Variants in QTGAL observed in about 807,000 individuals in gnomAD.
QTGAL encodes BGnT-like protein 1.
chr17:82,983,407 T>G, the QTGAL span, among the ~76,000 whole-genome samples: 2 of 152,188 alleles, frequency 1.3e-5, no homozygotes, highest in Admixed American at 1.3e-4. Flanking sequence ...CAGTTTTTCA[T>G]GCACACTTCG....
the QTGAL span, among the ~76,000 whole-genome samples, chr17:83,030,172 G>A: frequency 5.9e-5 from 9 of 152,318 alleles, no homozygotes; most frequent in South Asian, 1.7e-3. Flanking sequence ...AGAAATCATA[G>A]TGGAAGTTAG....
the QTGAL span, among the ~76,000 whole-genome samples, chr17:83,007,638 G>T: frequency 6.6e-6 from 1 of 152,124 alleles, no homozygotes; most frequent in Non-Finnish European, 1.5e-5. Context: ...GGCATGAGAG[G>T]CGCCTCTCGG....
At chr17:82,950,223 G>A in the QTGAL span, among the ~76,000 whole-genome samples, 1 of 152,218 alleles carries the variant, frequency 6.6e-6, no homozygotes, top group South Asian at 2.1e-4. Flanking sequence ...TGCAGGACAA[G>A]GAGGAACCTC....
At chr17:82,977,766 T>C in the QTGAL span, among the ~76,000 whole-genome samples, 1 of 152,056 alleles carries the variant, frequency 6.6e-6, no homozygotes, top group South Asian at 2.1e-4. Context: ...AGCCGGCTGA[T>C]TCCAGTCTGG....
the QTGAL span, among the ~76,000 whole-genome samples, chr17:82,955,857 A>T: frequency 6.6e-6 from 1 of 152,264 alleles, no homozygotes; most frequent in Non-Finnish European, 1.5e-5. Flanking sequence ...AGGGACATGG[A>T]TGAAGCTGGA....
chr17:82,971,295 G>A, the QTGAL span, among the ~76,000 whole-genome samples: 57 of 152,332 alleles, frequency 3.7e-4, no homozygotes, highest in Admixed American at 5.9e-4. Context: ...GCATAAGGAC[G>A]CGCACAGACA....
At chr17:82,961,343 G>A in the QTGAL span, 16 of 706,456 alleles carry the variant, frequency 2.3e-5, no homozygotes, top group African/African-American at 9.7e-5. Context: ...GTGGGGCGGC[G>A]ACCACAACAG....
chr17:83,050,311 G>A, the QTGAL span, among the ~76,000 whole-genome samples: 19 of 152,112 alleles, frequency 1.2e-4, no homozygotes, highest in African/African-American at 3.9e-4. Flanking sequence ...CAGAGGTTGC[G>A]GTGAGCCGAG....
chr17:83,044,491 G>A, the QTGAL span, among the ~76,000 whole-genome samples: 3 of 152,174 alleles, frequency 2.0e-5, no homozygotes, highest in African/African-American at 4.8e-5. Context: ...CCTCCTTAGC[G>A]TAAGAAATGG....
the QTGAL span, among the ~76,000 whole-genome samples, chr17:83,008,049 G>A: frequency 3.6e-3 from 546 of 152,316 alleles, 4 homozygotes; most frequent in African/African-American, 0.012. Context: ...AAGAGGAGGC[G>A]CAGGGAAGAG....
At chr17:82,969,740 C>T in the QTGAL span, among the ~76,000 whole-genome samples, 465 of 152,242 alleles carry the variant, frequency 3.1e-3, no homozygotes, top group Non-Finnish European at 5.3e-3. Context: ...AATGCAGTGG[C>T]GTGATCACAG....
At chr17:82,952,205 C>A in the QTGAL span, among the ~76,000 whole-genome samples, 5 of 152,134 alleles carry the variant, frequency 3.3e-5, no homozygotes, top group African/African-American at 1.2e-4. Context: ...CAGTGTAGAC[C>A]AACACACGCT....
chr17:83,014,649 G>A, the QTGAL span: 28 of 966,216 alleles, frequency 2.9e-5, no homozygotes, highest in South Asian at 6.2e-5. Context: ...TCAAACTCCC[G>A]GCTTCAACTG....
chr17:83,001,562 C>T, the QTGAL span, among the ~76,000 whole-genome samples: 1 of 115,066 alleles, frequency 8.7e-6, no homozygotes, highest in African/African-American at 3.4e-5. Flanking sequence ...AAAATTCCAG[C>T]AAACGTAAAC....
the QTGAL span, among the ~76,000 whole-genome samples, chr17:83,044,816 C>A: frequency 2.0e-5 from 3 of 152,166 alleles, no homozygotes; most frequent in Non-Finnish European, 2.9e-5. Flanking sequence ...TGTGGTGGCG[C>A]ACGCCTGTAG....
At chr17:82,957,010 C>T in the QTGAL span, among the ~76,000 whole-genome samples, 267 of 152,346 alleles carry the variant, frequency 1.8e-3, no homozygotes, top group African/African-American at 4.6e-3. Context: ...CCTAGACCCA[C>T]GAGGGACAGC....
chr17:83,050,710 C>G, the QTGAL span, among the ~76,000 whole-genome samples: 3 of 152,124 alleles, frequency 2.0e-5, no homozygotes, highest in East Asian at 5.8e-4. Flanking sequence ...CAGCCTCTGC[C>G]GGAGCACGGG....
chr17:82,976,084 C>A, the QTGAL span, among the ~76,000 whole-genome samples: 1 of 38,794 alleles, frequency 2.6e-5, no homozygotes. Context: ...TATGGGGAAA[C>A]AGGGCCCCAG....
the QTGAL span, among the ~76,000 whole-genome samples, chr17:83,022,357 G>A: frequency 0.2 from 5,993 of 29,590 alleles, 241 homozygotes; most frequent in Admixed American, 0.21. Flanking sequence ...GTGAACTCAC[G>A]TTAGCTTAGC....
Sources: allele counts gnomAD v4.1 joint callset (sites outside exome capture counted in the v4.1 genomes callset), GRCh38; gene constraint gnomAD v4.1.1; transcripts MANE v1.5; gene names NCBI Gene and HGNC (gene_info 2026-07-23, HGNC 2026-07-21).